PLXDC2: variants seen among roughly 807,000 people sequenced by gnomAD.
PLXDC2 encodes the protein plexin domain containing 2, also known as plexin domain-containing protein 2.
A neutral mutation model predicts 68.9 loss-of-function variants in PLXDC2; 40 were observed. That is an observed-to-expected ratio of 0.58 (90% confidence interval 0.45 to 0.76). The LOEUF (loss-of-function observed/expected upper bound fraction) is 0.76. PLXDC2 is among the 30% of genes least tolerant of loss of function. The pLI, the probability that PLXDC2 is intolerant of heterozygous loss-of-function variation, is 0.00. For synonymous variants in PLXDC2, 243 were observed against 234.2 expected (o/e 1.04, Z -0.34); for missense variants, 644 against 661.9 (o/e 0.97, Z 0.30).
chr10:19,928,022 C>T (rs1354270494), intron 1 of PLXDC2, among the ~76,000 whole-genome samples: 3 of 152,114 alleles, frequency 2.0e-5, no homozygotes, highest in Admixed American at 6.5e-5. Context: ...TAGCTTAGCT[C>T]CCATTTATGA....
At chr10:19,919,067 TG>T (rs1401206777) in intron 1 of PLXDC2, among the ~76,000 whole-genome samples, 2 of 152,238 alleles carry the variant, frequency 1.3e-5, no homozygotes, top group African/African-American at 2.4e-5. Context: ...ACTTGGATTT[TG>T]TACAATTGTA....
chr10:19,908,949 A>G (rs1315449009), intron 1 of PLXDC2, among the ~76,000 whole-genome samples: 1 of 152,182 alleles, frequency 6.6e-6, no homozygotes, highest in African/African-American at 2.4e-5. Flanking sequence ...TTGATCACCA[A>G]ACAACTTTGA....
intron 1 of PLXDC2, among the ~76,000 whole-genome samples, chr10:19,895,383 T>C (rs1838040269): frequency 6.6e-6 from 1 of 152,162 alleles, no homozygotes; most frequent in South Asian, 2.1e-4. Flanking sequence ...AAAGTGAGCT[T>C]CCTGTGCAAT....
chr10:20,265,095 A>AAG (rs1005557009), intron 13 of PLXDC2, among the ~76,000 whole-genome samples: 1 of 152,222 alleles, frequency 6.6e-6, no homozygotes, highest in African/African-American at 2.4e-5. Flanking sequence ...AAGAAAATAG[A>AAG]GTAACCATGT....
intron 5 of PLXDC2, 126 bp from the exon 6 acceptor site, chr10:20,147,658 A>G: frequency 1.7e-6 from 1 of 592,790 alleles, no homozygotes; most frequent in Non-Finnish European, 3.0e-6. Context: ...TTAACCACAT[A>G]AAATCGAAAT....
chr10:19,937,261 T>G (rs533862384), intron 1 of PLXDC2, among the ~76,000 whole-genome samples: 1 of 152,258 alleles, frequency 6.6e-6, no homozygotes, highest in Non-Finnish European at 1.5e-5. Context: ...TCGCATGTCA[T>G]GGATGGTCTT....
chr10:19,898,682 A>G (rs1838106244), intron 1 of PLXDC2, among the ~76,000 whole-genome samples: 2 of 152,206 alleles, frequency 1.3e-5, no homozygotes, highest in Admixed American at 1.3e-4. Context: ...GATCAGTGGA[A>G]GTTGAGACCT....
At chr10:19,997,049 A>G (rs1290128186) in intron 1 of PLXDC2, among the ~76,000 whole-genome samples, 2 of 152,206 alleles carry the variant, frequency 1.3e-5, no homozygotes, top group Non-Finnish European at 2.9e-5. Context: ...TATGAGGCAA[A>G]GTTCAACCTA....
At chr10:20,086,439 A>G (rs577466075) in intron 4 of PLXDC2, among the ~76,000 whole-genome samples, 1 of 150,932 alleles carries the variant, frequency 6.6e-6, no homozygotes, top group East Asian at 2.0e-4. Context: ...CAATCCTCCC[A>G]CCTCAGCCTC....
chr10:19,913,466 C>T (rs185631511), intron 1 of PLXDC2, among the ~76,000 whole-genome samples: 2 of 152,152 alleles, frequency 1.3e-5, no homozygotes, highest in East Asian at 3.9e-4. Context: ...AGTGTAATAC[C>T]GGACTAATAC....
intron 1 of PLXDC2, among the ~76,000 whole-genome samples, chr10:19,948,371 T>C (rs888775059): frequency 4.3e-4 from 61 of 141,652 alleles, no homozygotes; most frequent in Admixed American, 9.0e-4. Context: ...TTTTGCAGAA[T>C]GATTTTCTTT....
At chr10:19,869,468 A>AGGGGG (rs555686208) in intron 1 of PLXDC2, among the ~76,000 whole-genome samples, 5 of 44,584 alleles carry the variant, frequency 1.1e-4, no homozygotes, top group African/African-American at 2.2e-4. Flanking sequence ...AGAGAGAGAA[A>AGGGGG]GGGGGGGGGG....
intron 1 of PLXDC2, among the ~76,000 whole-genome samples, chr10:19,838,482 A>T (rs1216689181): frequency 6.6e-6 from 1 of 152,222 alleles, no homozygotes; most frequent in Admixed American, 6.5e-5. Context: ...AGTCCAAGTA[A>T]AACAGACAAG....
chr10:19,897,293 G>A (rs1838075887), intron 1 of PLXDC2, among the ~76,000 whole-genome samples: 1 of 151,218 alleles, frequency 6.6e-6, no homozygotes. Flanking sequence ...AGGCTGGAGT[G>A]TAATGGCACG....
At chr10:20,139,682 G>T (rs1307199232) in intron 4 of PLXDC2, among the ~76,000 whole-genome samples, 2 of 152,204 alleles carry the variant, frequency 1.3e-5, no homozygotes, top group South Asian at 2.1e-4. Flanking sequence ...CCATAAAAAA[G>T]GATGAGTTAA....
At chr10:19,922,638 T>C (rs1341960165) in intron 1 of PLXDC2, among the ~76,000 whole-genome samples, 1 of 152,188 alleles carries the variant, frequency 6.6e-6, no homozygotes, top group African/African-American at 2.4e-5. Flanking sequence ...ACGGCTTAGT[T>C]GTATGGAACT....
intron 4 of PLXDC2, among the ~76,000 whole-genome samples, chr10:20,122,070 C>A (rs2461932): frequency 0.92 from 139,334 of 151,732 alleles, 64,134 homozygotes; most frequent in African/African-American, 0.96. Context: ...GAAGGGCAGC[C>A]ATGAGATGTA....
At chr10:19,903,968 A>T (rs1838201628) in intron 1 of PLXDC2, among the ~76,000 whole-genome samples, 1 of 151,980 alleles carries the variant, frequency 6.6e-6, no homozygotes, top group Non-Finnish European at 1.5e-5. Context: ...CAGTTTATTT[A>T]ATTTCCATCT....
At chr10:20,034,861 C>T (rs920884821) in intron 2 of PLXDC2, among the ~76,000 whole-genome samples, 2 of 152,170 alleles carry the variant, frequency 1.3e-5, no homozygotes, top group Non-Finnish European at 2.9e-5. Flanking sequence ...TAGCCTAGAA[C>T]AGTTGACCAT....
Sources: allele counts gnomAD v4.1 joint callset (sites outside exome capture counted in the v4.1 genomes callset), GRCh38; gene constraint gnomAD v4.1.1; transcripts MANE v1.5; gene names NCBI Gene and HGNC (gene_info 2026-07-23, HGNC 2026-07-21).